Variants in SUGCT observed in about 807,000 individuals in gnomAD.
SUGCT encodes the protein succinyl-CoA:glutarate-CoA transferase.
A neutral mutation model predicts 55.0 loss-of-function variants in SUGCT; 41 were observed. That is an observed-to-expected ratio of 0.74 (90% CI 0.58 to 0.97). SUGCT has a LOEUF of 0.97. Ranked by LOEUF, SUGCT falls within the 50% of genes least tolerant of loss-of-function variation. The probability of loss-of-function intolerance (pLI) is 0.00; values close to 1 mark genes in which losing one functional copy is unlikely to be tolerated. For missense variants in SUGCT, 568 were observed against 547.8 expected (o/e 1.04, Z -0.37); for synonymous variants, 187 against 200.4 (o/e 0.93, Z 0.56).
At chr7:40,304,942 G>A (rs1299046370) in intron 8 of SUGCT, among the ~76,000 whole-genome samples, 1 of 152,066 alleles carries the variant, frequency 6.6e-6, no homozygotes, top group Non-Finnish European at 1.5e-5. Context: ...CTGACTTCAG[G>A]GAAGGTTTGC....
chr7:40,916,780 A>T, the SUGCT span, among the ~76,000 whole-genome samples: 2 of 152,212 alleles, frequency 1.3e-5, no homozygotes, highest in Non-Finnish European at 2.9e-5. Context: ...GTAGGCTTTA[A>T]CATTTATTAT....
intron 8 of SUGCT, among the ~76,000 whole-genome samples, chr7:40,301,461 G>A (rs1261735874): frequency 2.0e-5 from 3 of 152,234 alleles, no homozygotes; most frequent in East Asian, 1.9e-4. Context: ...GCGTAAACAC[G>A]TAACAAGTAT....
chr7:40,625,718 C>A (rs894685530), intron 12 of SUGCT, among the ~76,000 whole-genome samples: 1 of 152,052 alleles, frequency 6.6e-6, no homozygotes, highest in Non-Finnish European at 1.5e-5. Flanking sequence ...GATGAAATCC[C>A]CCAGCCCCTG....
the SUGCT span, among the ~76,000 whole-genome samples, chr7:40,991,621 T>C: frequency 6.6e-6 from 1 of 152,110 alleles, no homozygotes; most frequent in Non-Finnish European, 1.5e-5. Flanking sequence ...TCTTGATTTG[T>C]TTAGGGTGAG....
At chr7:40,165,107 C>T (rs926352812) in intron 1 of SUGCT, among the ~76,000 whole-genome samples, 6 of 152,216 alleles carry the variant, frequency 3.9e-5, no homozygotes, top group African/African-American at 1.4e-4. Context: ...GGCCCATTTT[C>T]TGCCTCCTCA....
At chr7:40,497,430 A>G (rs780535033) in intron 12 of SUGCT, among the ~76,000 whole-genome samples, 1 of 151,988 alleles carries the variant, frequency 6.6e-6, no homozygotes, top group Non-Finnish European at 1.5e-5. Context: ...TGCTTGTGCT[A>G]TTTTTTCGGC....
intron 12 of SUGCT, among the ~76,000 whole-genome samples, chr7:40,545,347 T>C (rs986939978): frequency 1.3e-5 from 2 of 152,202 alleles, no homozygotes; most frequent in Non-Finnish European, 2.9e-5. Context: ...TGTTGAGCCT[T>C]CCTTTCTTCT....
chr7:40,407,128 GAATAT>G (rs991372923), intron 9 of SUGCT, among the ~76,000 whole-genome samples: 68 of 152,200 alleles, frequency 4.5e-4, no homozygotes, highest in African/African-American at 1.6e-3. Flanking sequence ...AAATATGAAT[GAATAT>G]AAGAATTCAA....
chr7:40,712,722 G>A (rs1012961374), intron 12 of SUGCT, among the ~76,000 whole-genome samples: 2 of 152,228 alleles, frequency 1.3e-5, no homozygotes, highest in African/African-American at 4.8e-5. Context: ...CTCAGAAGAG[G>A]ATGGAGTCTC....
chr7:40,996,745 G>T, the SUGCT span, among the ~76,000 whole-genome samples: 5 of 152,126 alleles, frequency 3.3e-5, no homozygotes, highest in South Asian at 1.0e-3. Context: ...CCTTCCTTCA[G>T]CTCCCAATTT....
At chr7:40,682,716 A>G (rs568980056) in intron 12 of SUGCT, among the ~76,000 whole-genome samples, 24 of 146,926 alleles carry the variant, frequency 1.6e-4, no homozygotes, top group Non-Finnish European at 3.5e-4. Flanking sequence ...ACTCCCTCCC[A>G]TCCCCTCCCC....
chr7:40,823,074 C>G (rs903086024), intron 13 of SUGCT, among the ~76,000 whole-genome samples: 3 of 152,296 alleles, frequency 2.0e-5, no homozygotes, highest in African/African-American at 7.2e-5. Context: ...CCATAGCAGG[C>G]AAACCCTCAG....
At position 40,155,892 on chromosome 7, in the gene SUGCT, C is replaced by G. The variant is rs1783866033; in HGVS notation, c.100+20772C>G. Among the ~76,000 whole-genome samples the G allele has an allele frequency of 2.1e-5, 3 of 146,276 alleles. No homozygotes were observed. In the Admixed American group the frequency reaches 2.1e-4, roughly 10 times the overall value. On this transcript the variant is annotated intron_variant, in intron 1 of 13. Transcript: ENST00000335693. Reference sequence around the variant, plus strand: ...TTTTTTTTTGAGATAGAGTCTCCCTCTGTAGCCCAGGCTAGAGTGCAGCGG... The same window carrying G: ...TTTTTTTTTGAGATAGAGTCTCCCTGTGTAGCCCAGGCTAGAGTGCAGCGG...
intron 12 of SUGCT, among the ~76,000 whole-genome samples, chr7:40,503,123 G>A (rs534868440): frequency 1.3e-5 from 2 of 151,896 alleles, no homozygotes; most frequent in African/African-American, 4.8e-5. Flanking sequence ...TTTTTTGAGG[G>A]AGTTGAAAAG....
chr7:40,665,816 C>T lies in SUGCT; in HGVS notation c.1090-83618C>T, dbSNP rs568341674. 5.3e-5 allele frequency among the ~76,000 whole-genome samples: 8 copies of T among 151,976 alleles called. No individual in the cohort carries two copies. The South Asian group carries it at 1.7e-3, about 32-fold the overall frequency. On this transcript the variant is annotated intron_variant, in intron 12 of 13. Transcript: ENST00000335693. ...GAGCACAGGATGTGACAGCAAGGTT[C>T]TTATTTATTTTGAAATTTAATGTAT...
chr7:40,273,562 G>A (rs1792253129), intron 7 of SUGCT, among the ~76,000 whole-genome samples: 1 of 152,206 alleles, frequency 6.6e-6, no homozygotes, highest in Non-Finnish European at 1.5e-5. Context: ...TTTGTGTCAA[G>A]TACTGTTCTA....
intron 9 of SUGCT, among the ~76,000 whole-genome samples, chr7:40,333,891 A>G (rs878946614): frequency 6.6e-6 from 1 of 151,036 alleles, no homozygotes; most frequent in African/African-American, 2.4e-5. Flanking sequence ...TCCTAGTGCT[A>G]TCCCTCCCCA....
intron 12 of SUGCT, among the ~76,000 whole-genome samples, chr7:40,655,553 T>C (rs1307889793): frequency 4.6e-5 from 7 of 152,224 alleles, no homozygotes; most frequent in African/African-American, 1.7e-4. Flanking sequence ...TTGAGTGTTA[T>C]GGAGGCGTCA....
At chr7:40,278,781 C>T (rs551785962) in intron 8 of SUGCT, among the ~76,000 whole-genome samples, 1 of 151,848 alleles carries the variant, frequency 6.6e-6, no homozygotes, top group Admixed American at 6.6e-5. Context: ...ATCCATCCTT[C>T]CTTATGTGGA....
Sources: gnomAD v4.1 joint callset for allele counts (sites outside exome capture counted in the v4.1 genomes callset) on GRCh38, gnomAD v4.1.1 for gene constraint, MANE v1.5 for transcripts, NCBI Gene and HGNC (gene_info 2026-07-23, HGNC 2026-07-21) for gene names.